The following OSBPL1A variants were observed in gnomAD, a reference collection of about 807,000 sequenced individuals.
OSBPL1A encodes oxysterol-binding protein-related protein 1.
OSBPL1A carries 80 observed loss-of-function variants against 137.1 expected under a neutral mutation model. That is an observed-to-expected ratio of 0.58 (90% confidence interval 0.49 to 0.70). The LOEUF (loss-of-function observed/expected upper bound fraction) is 0.70. OSBPL1A is among the 30% of genes least tolerant of loss of function. The pLI is 0.00. For synonymous variants in OSBPL1A, 365 were observed against 389.7 expected (o/e 0.94, Z 0.75); for missense variants, 970 against 1,129.4 (o/e 0.86, Z 2.02).
At chr18:24,231,458 T>C (rs539777999) in intron 16 of OSBPL1A, among the ~76,000 whole-genome samples, 161 of 152,166 alleles carry the variant, frequency 1.1e-3, no homozygotes, top group African/African-American at 3.7e-3. Flanking sequence ...ACGCCCAGCA[T>C]TTTTGTATTT....
At chr18:24,317,057 A>G in intron 11 of OSBPL1A, 92 bp downstream of exon 11, 4 of 1,317,712 alleles carry the variant, frequency 3.0e-6, no homozygotes, top group South Asian at 1.2e-5. Flanking sequence ...CAGAACCCCA[A>G]GATTTTACAA....
chr18:24,232,970 T>A (rs2088329126), intron 16 of OSBPL1A, among the ~76,000 whole-genome samples: 1 of 152,230 alleles, frequency 6.6e-6, no homozygotes, highest in Non-Finnish European at 1.5e-5. Context: ...GCATTATTCA[T>A]GCACATTTCA....
rs146612150 is a variant in OSBPL1A, at chr18:24,377,383, A to G, written c.121+30T>C. On this transcript the variant is annotated intron_variant, in intron 2 of 27. Transcript: ENST00000319481. ...GCTAAGAGTAGTGCAGACTCATAAG[A>G]GAAAGCTACAAAATCCATTCAAAGT... 8.2e-4 allele frequency: 1,310 copies of G among 1,590,836 alleles called. 11 individuals are homozygous for G. The African/African-American group carries it at 0.015, about 18-fold the overall frequency.
intron 13 of OSBPL1A, among the ~76,000 whole-genome samples, chr18:24,309,325 A>G: frequency 6.6e-6 from 1 of 152,186 alleles, no homozygotes; most frequent in African/African-American, 2.4e-5. Context: ...AAAAATGTTT[A>G]TACTGAAAAA....
intron 17 of OSBPL1A, among the ~76,000 whole-genome samples, chr18:24,220,223 G>A (rs2087843615): frequency 6.6e-6 from 1 of 152,212 alleles, no homozygotes; most frequent in South Asian, 2.1e-4. Flanking sequence ...GCCCTCGTCT[G>A]ACCTACATGC....
intron 4 of OSBPL1A, among the ~76,000 whole-genome samples, chr18:24,354,871 T>A (rs943971763): frequency 1.3e-5 from 2 of 151,122 alleles, no homozygotes; most frequent in African/African-American, 4.9e-5. Flanking sequence ...TTTCCTTAAC[T>A]CTGCAGGTCA....
In OSBPL1A at chr18:24,239,240, T is replaced by A. The variant is rs970092282; in HGVS notation, c.1424A>T (p.Glu475Val). The change falls in exon 16 of 28, where the codon GAG (glutamate) becomes GTG (valine). Residue 475 changes from glutamate (E) to valine (V), a missense_variant. Glu to Val is a moderately radical substitution (Grantham distance 121). Transcript: ENST00000319481. Reference sequence around the variant, plus strand: ...GTTACCTGACAGCGCATCATAGAACTCGTCCTCGCTAAGGATGCTGGCGGG... The same window carrying A: ...GTTACCTGACAGCGCATCATAGAACACGTCCTCGCTAAGGATGCTGGCGGG... Reference protein sequence around the residue: ...SPPASILSEDEFYDALSDSES... With the variant: ...SPPASILSEDVFYDALSDSES... 2.5e-6 allele frequency: 4 copies of A among 1,613,964 alleles called. No homozygotes were observed. The highest frequency in any genetic ancestry group is 3.3e-5 in the Admixed American group (2 of 59,984).
chr18:24,276,853 A>G (rs1175359269), intron 15 of OSBPL1A, among the ~76,000 whole-genome samples: 1 of 152,220 alleles, frequency 6.6e-6, no homozygotes, highest in Non-Finnish European at 1.5e-5. Flanking sequence ...ATCCTCAAAT[A>G]AGCAAAAAAC....
At chr18:24,390,694 CAAAAAAAAAAA>C (rs751432894) in intron 1 of OSBPL1A, among the ~76,000 whole-genome samples, 11 of 56,212 alleles carry the variant, frequency 2.0e-4, no homozygotes, top group Admixed American at 4.5e-4. Flanking sequence ...GACTCCGTCT[CAAAAAAAAAAA>C]AAAAAAAAAA....
In OSBPL1A at chr18:24,179,734, T is replaced by C; in HGVS notation, c.1910+4A>G. 1.2e-6 allele frequency: 2 copies of C among 1,613,092 alleles called. No individual in the cohort carries two copies. Among genetic ancestry groups the C allele is most frequent in the Non-Finnish European group, 1.7e-6 (2 of 1,179,012 alleles). ...GTATAAAGCATGCAAGTGAAAGGCC[T>C]CACCGCACTAATTCATAAGTCTCTC... On this transcript the variant is annotated splice_donor_region_variant and intron_variant, in intron 20 of 27. Coordinates refer to ENST00000319481, the MANE Select transcript of OSBPL1A (RefSeq NM_080597.4).
At chr18:24,329,678 T>C (rs1045637480) in intron 7 of OSBPL1A, among the ~76,000 whole-genome samples, 6 of 151,896 alleles carry the variant, frequency 4.0e-5, no homozygotes, top group African/African-American at 1.4e-4. Context: ...ACTGAATATA[T>C]AAAATTAAAC....
intron 5 of OSBPL1A, 139 bp downstream of exon 5, chr18:24,341,408 A>G (rs891781587): frequency 1.9e-5 from 12 of 619,460 alleles, no homozygotes; most frequent in South Asian, 7.7e-5. Flanking sequence ...TGTTTAATCA[A>G]TGACTCCAAG....
chr18:24,245,704 G>A (rs1447706330), intron 15 of OSBPL1A, among the ~76,000 whole-genome samples: 2 of 152,178 alleles, frequency 1.3e-5, no homozygotes, highest in African/African-American at 4.8e-5. Flanking sequence ...GGATGGACAT[G>A]TGTCTTCATT....
rs553579634 is a variant in OSBPL1A, at chr18:24,239,524, T to C, written c.1282-142A>G. ...AACAGTCGTGTCACATGTGCATGGA[T>C]GAATGAGCAAAATTATTAAACTAAT... On this transcript the variant is annotated intron_variant, in intron 15 of 27. Transcript: ENST00000319481. 1.7e-4 allele frequency: 124 copies of C among 751,284 alleles called. 1 individual carries two copies. In the East Asian group the frequency reaches 2.5e-3, roughly 15 times the overall value. 46.5% of individuals were successfully genotyped at this position (751,284 alleles called of 1,614,324 possible). A position where few individuals can be genotyped will look rare whatever the true frequency, so the allele number is the denominator to read the frequency against.
Position 24,293,580 on chromosome 18 carries a change from G to A in OSBPL1A, c.1174+10057C>T, listed in dbSNP as rs193132001. 2.7e-3 allele frequency among the ~76,000 whole-genome samples: 411 copies of A among 152,304 alleles called. 4 individuals carry two copies. Among genetic ancestry groups the A allele is most frequent in the African/African-American group, 9.5e-3 (395 of 41,572 alleles). ...CCTCTGTGTGCAGGCACCTTTTGAAGAAAGACCTAGGGAAGGAAGGGAGTG... is the reference window on the plus strand; with the variant it reads ...CCTCTGTGTGCAGGCACCTTTTGAAAAAAGACCTAGGGAAGGAAGGGAGTG... On this transcript the variant is annotated intron_variant, in intron 14 of 27. Coordinates refer to ENST00000319481, the MANE Select transcript of OSBPL1A (RefSeq NM_080597.4).
intron 4 of OSBPL1A, among the ~76,000 whole-genome samples, chr18:24,351,075 C>T (rs759841980): frequency 3.3e-5 from 5 of 152,032 alleles, no homozygotes; most frequent in African/African-American, 4.8e-5. Flanking sequence ...AGGCTGGGCA[C>T]GGTGGCTCAC....
intron 16 of OSBPL1A, among the ~76,000 whole-genome samples, chr18:24,228,767 A>G (rs2088176473): frequency 6.6e-6 from 1 of 152,220 alleles, no homozygotes; most frequent in African/African-American, 2.4e-5. Flanking sequence ...GTTACAATAC[A>G]GGAGCTGTCC....
At position 24,163,259 on chromosome 18, in the gene OSBPL1A, G is replaced by C; in HGVS notation, c.2773C>G (p.Pro925Ala). The C allele has an allele frequency of 6.2e-7, 1 of 1,610,618 alleles. No individual in the cohort carries two copies. Among genetic ancestry groups the C allele is most frequent in the African/African-American group, 1.3e-5 (1 of 74,906 alleles). Residue 925 changes from proline to alanine, a missense_variant, in exon 28 of 28, where the codon CCC (proline) becomes GCC (alanine). Pro to Ala is a conservative substitution (Grantham distance 27). Transcript: ENST00000319481. ...KTRWFHQGPN[P>A]YNGAQDWIYS... ...ATCCAGTCCTGTGCTCCATTGTAGGGATTAGGACCTTGATGGAACCACCTG... is the reference window on the plus strand; with the variant it reads ...ATCCAGTCCTGTGCTCCATTGTAGGCATTAGGACCTTGATGGAACCACCTG...
chr18:24,330,476 G>C (rs938014566), intron 7 of OSBPL1A, among the ~76,000 whole-genome samples: 1 of 151,720 alleles, frequency 6.6e-6, no homozygotes, highest in Non-Finnish European at 1.5e-5. Context: ...AAAGTATTTA[G>C]AGATAAAACT....
Sources: allele counts gnomAD v4.1 joint callset (sites outside exome capture counted in the v4.1 genomes callset), GRCh38; gene constraint gnomAD v4.1.1; transcripts MANE v1.5; gene names NCBI Gene and HGNC (gene_info 2026-07-23, HGNC 2026-07-21).